The following PTPRT variants were observed in gnomAD, a reference collection of about 807,000 sequenced individuals.
PTPRT encodes the protein receptor-type tyrosine-protein phosphatase T.
Under a neutral mutation model 176.8 loss-of-function variants are expected in PTPRT, and 56 were observed. The observed-to-expected ratio is 0.32, with a 90% confidence interval of 0.26 to 0.40. The LOEUF is 0.40. Among genes scored for constraint, PTPRT ranks in the 10% least tolerant of loss-of-function variants. PTPRT has a pLI of 1.00. For synonymous variants in PTPRT, 783 were observed against 739.0 expected, an observed-to-expected ratio of 1.06 and a Z score of -0.96; for missense variants, 1,540 against 1,908.2, an observed-to-expected ratio of 0.81 and a Z score of 3.60.
chr20:42,137,371 G>C (rs1393966225), intron 18 of PTPRT, among the ~76,000 whole-genome samples: 1 of 152,120 alleles, frequency 6.6e-6, no homozygotes, highest in Non-Finnish European at 1.5e-5. Flanking sequence ...AGGAGTGAGG[G>C]TCCTCTCTGC....
chr20:42,886,019 C>T, intron 1 of PTPRT, 87 bp from the exon 2 acceptor site: 1 of 1,137,392 alleles, frequency 8.8e-7, no homozygotes, highest in Admixed American at 2.9e-5. Flanking sequence ...TCATTTACAG[C>T]TTTGAATTTT....
At chr20:42,873,852 T>C (rs1413448949) in intron 2 of PTPRT, among the ~76,000 whole-genome samples, 1 of 152,176 alleles carries the variant, frequency 6.6e-6, no homozygotes, top group African/African-American at 2.4e-5. Flanking sequence ...TTTAGAGACA[T>C]CTCAGCCATC....
chr20:42,971,476 C>T (rs897683190), intron 1 of PTPRT: 1 of 152,200 alleles, frequency 6.6e-6, no homozygotes, highest in African/African-American at 2.4e-5. Context: ...GAATAAAACG[C>T]AATTCCTTTA....
At chr20:42,593,930 C>G (rs1351180082) in intron 7 of PTPRT, among the ~76,000 whole-genome samples, 1 of 152,088 alleles carries the variant, frequency 6.6e-6, no homozygotes, top group African/African-American at 2.4e-5. Flanking sequence ...GCCAGCAGGT[C>G]TATGGTTCAG....
chr20:42,981,829 T>C (rs1382855757), intron 1 of PTPRT, among the ~76,000 whole-genome samples: 1 of 152,230 alleles, frequency 6.6e-6, no homozygotes, highest in Non-Finnish European at 1.5e-5. Flanking sequence ...TGCATTTATG[T>C]TCATTTCCTT....
At chr20:42,921,467 C>A (rs1434871526) in intron 1 of PTPRT, among the ~76,000 whole-genome samples, 8 of 152,254 alleles carry the variant, frequency 5.3e-5, no homozygotes, top group African/African-American at 1.9e-4. Context: ...CACCTGTAGT[C>A]CTAGCTACTC....
chr20:42,916,378 G>T (rs1418162124), intron 1 of PTPRT, among the ~76,000 whole-genome samples: 4 of 152,088 alleles, frequency 2.6e-5, no homozygotes, highest in African/African-American at 9.7e-5. Context: ...TGGACATTTA[G>T]GTTGGTTCCA....
chr20:43,068,194 G>A (rs927251594), intron 1 of PTPRT, among the ~76,000 whole-genome samples: 1 of 142,888 alleles, frequency 7.0e-6, no homozygotes, highest in African/African-American at 2.6e-5. Flanking sequence ...AGGAGGAGAG[G>A]GGGAGATTGA....
intron 15 of PTPRT, among the ~76,000 whole-genome samples, chr20:42,208,868 T>G (rs1432620319): frequency 1.2e-4 from 19 of 152,272 alleles, no homozygotes; most frequent in Non-Finnish European, 2.6e-4. Context: ...ACCACACCTA[T>G]TCCAAAATTG....
At chr20:42,436,934 A>G (rs73123352) in intron 9 of PTPRT, among the ~76,000 whole-genome samples, 17,110 of 152,262 alleles carry the variant, frequency 0.11, 967 homozygotes, top group Middle Eastern at 0.14. Context: ...GCTTATACAC[A>G]ACTTAAAATC....
chr20:42,303,082 T>C (rs1451550883), intron 12 of PTPRT, among the ~76,000 whole-genome samples: 1 of 152,220 alleles, frequency 6.6e-6, no homozygotes, highest in African/African-American at 2.4e-5. Context: ...GGACTTAGAC[T>C]TTCTATTAGG....
intron 24 of PTPRT, 111 bp from the exon 25 acceptor site, chr20:42,104,829 T>C: frequency 1.7e-6 from 2 of 1,180,170 alleles, no homozygotes; most frequent in Admixed American, 2.7e-5. Context: ...TTTATCAATA[T>C]ATTACAGGAT....
At chr20:43,102,864 C>G (rs1964473296) in intron 1 of PTPRT, among the ~76,000 whole-genome samples, 1 of 152,154 alleles carries the variant, frequency 6.6e-6, no homozygotes, top group African/African-American at 2.4e-5. Context: ...TACTTAAACC[C>G]AAACCCTTGG....
chr20:42,083,603 C>G (rs1462997618), intron 29 of PTPRT, among the ~76,000 whole-genome samples: 1 of 152,186 alleles, frequency 6.6e-6, no homozygotes, highest in African/African-American at 2.4e-5. Flanking sequence ...CATGTGCATG[C>G]ACCACCTGTT....
At chr20:42,512,512 C>A (rs1338137574) in intron 7 of PTPRT, among the ~76,000 whole-genome samples, 2 of 152,140 alleles carry the variant, frequency 1.3e-5, no homozygotes, top group African/African-American at 4.8e-5. Flanking sequence ...GGATGTACCA[C>A]ATCTCCTTTA....
At chr20:43,129,489 G>A (rs1210441913) in intron 1 of PTPRT, among the ~76,000 whole-genome samples, 1 of 151,844 alleles carries the variant, frequency 6.6e-6, no homozygotes, top group African/African-American at 2.4e-5. Flanking sequence ...ATACTCTGAT[G>A]AAAAAAGTGA....
chr20:42,954,843 C>A (rs1568698823), intron 1 of PTPRT, among the ~76,000 whole-genome samples: 1 of 148,942 alleles, frequency 6.7e-6, no homozygotes, highest in African/African-American at 2.5e-5. Context: ...CTTAGAATCA[C>A]AATAGTAGGA....
chr20:42,100,389 A>G (rs1188340521), intron 26 of PTPRT, among the ~76,000 whole-genome samples: 2 of 152,240 alleles, frequency 1.3e-5, no homozygotes, highest in African/African-American at 2.4e-5. Flanking sequence ...CAAAGCTGCT[A>G]TGGTTACCAG....
intron 7 of PTPRT, among the ~76,000 whole-genome samples, chr20:42,629,191 T>TC (rs1430981332): frequency 6.8e-6 from 1 of 146,770 alleles, no homozygotes; most frequent in East Asian, 2.0e-4. Flanking sequence ...TGAGGATGCT[T>TC]TTTTTTTTTT....
Sources: allele counts gnomAD v4.1 joint callset (sites outside exome capture counted in the v4.1 genomes callset), GRCh38; gene constraint gnomAD v4.1.1; transcripts MANE v1.5; gene names NCBI Gene and HGNC (gene_info 2026-07-23, HGNC 2026-07-21).